ZPBP: variants seen among roughly 807,000 people sequenced by gnomAD.
ZPBP encodes zona pellucida-binding protein 1.
Under a neutral mutation model 44.8 loss-of-function variants are expected in ZPBP, and 26 were observed. The ratio of observed to expected loss-of-function variants is 0.58; its 90% CI spans 0.43 to 0.81. ZPBP has a LOEUF of 0.81. Ranked by LOEUF, ZPBP falls within the 30% of genes least tolerant of loss-of-function variation. The pLI is 0.00. For missense variants in ZPBP, 409 were observed against 434.0 expected (o/e 0.94, Z 0.51); for synonymous variants, 174 against 153.2 (o/e 1.14, Z -1.00).
At chr7:49,918,389 T>C (rs1793834684) in intron 1 of ZPBP, 1 of 152,192 alleles carries the variant, frequency 6.6e-6, no homozygotes, top group East Asian at 1.9e-4. Flanking sequence ...AATAAGATAA[T>C]GAATAGCAAC....
intron 4 of ZPBP, among the ~76,000 whole-genome samples, chr7:50,038,056 C>A (rs1799900761): frequency 6.6e-6 from 1 of 152,106 alleles, no homozygotes; most frequent in Admixed American, 6.5e-5. Context: ...CCTCCATCAC[C>A]CTTACCCCAA....
chr7:49,989,272 A>C (rs923277266), intron 6 of ZPBP, among the ~76,000 whole-genome samples: 4 of 152,088 alleles, frequency 2.6e-5, no homozygotes, highest in African/African-American at 9.7e-5. Flanking sequence ...CGGGGTTCCT[A>C]ACCTGTGGAA....
intron 7 of ZPBP, 57 bp from the exon 8 acceptor site, chr7:49,937,679 T>G: frequency 7.3e-7 from 1 of 1,370,324 alleles, no homozygotes; most frequent in Non-Finnish European, 1.0e-6. Context: ...TAATATAAAA[T>G]TTCCAATCTC....
intron 6 of ZPBP, among the ~76,000 whole-genome samples, chr7:50,017,735 A>G (rs576489274): frequency 6.6e-6 from 1 of 152,262 alleles, no homozygotes; most frequent in Non-Finnish European, 1.5e-5. Context: ...AGGCATAGGA[A>G]GATATTGTCA....
downstream of ZPBP, among the ~76,000 whole-genome samples, chr7:49,933,379 C>T (rs1794512319): frequency 6.6e-6 from 1 of 152,100 alleles, no homozygotes; most frequent in East Asian, 1.9e-4. Flanking sequence ...TAACAGAAAA[C>T]CTAACTTGCT....
intron 2 of ZPBP, among the ~76,000 whole-genome samples, chr7:49,882,639 A>G (rs1791718317): frequency 6.6e-6 from 1 of 152,006 alleles, no homozygotes; most frequent in Admixed American, 6.6e-5. Context: ...AGACAGGGAG[A>G]GAGGTAAACA....
intron 4 of ZPBP, among the ~76,000 whole-genome samples, chr7:50,033,258 A>G (rs918807723): frequency 2.0e-5 from 3 of 152,208 alleles, no homozygotes; most frequent in African/African-American, 7.2e-5. Context: ...CATAACATTA[A>G]TAAGAATCTG....
At chr7:50,052,319 G>A (rs766195977) in intron 4 of ZPBP, among the ~76,000 whole-genome samples, 63 of 152,194 alleles carry the variant, frequency 4.1e-4, no homozygotes, top group Non-Finnish European at 7.4e-4. Flanking sequence ...CTAAGAGGAT[G>A]TACAGATGGC....
intron 1 of ZPBP, among the ~76,000 whole-genome samples, chr7:49,926,437 C>A (rs1015707882): frequency 1.3e-5 from 2 of 152,212 alleles, no homozygotes; most frequent in East Asian, 3.8e-4. Context: ...CTTGTTAAAG[C>A]CCTCAGTTTC....
At chr7:50,086,633 T>A (rs1411446391) in intron 2 of ZPBP, among the ~76,000 whole-genome samples, 1 of 151,908 alleles carries the variant, frequency 6.6e-6, no homozygotes, top group Non-Finnish European at 1.5e-5. Context: ...AACTTGAAGA[T>A]AGGTCAACAT....
At chr7:50,010,489 A>T (rs760226689) in intron 6 of ZPBP, among the ~76,000 whole-genome samples, 10 of 152,120 alleles carry the variant, frequency 6.6e-5, no homozygotes, top group Non-Finnish European at 1.2e-4. Context: ...ACGTTATCAC[A>T]TCTTTGACGG....
At chr7:49,902,283 A>C (rs1385557124) in intron 1 of ZPBP, among the ~76,000 whole-genome samples, 2 of 152,026 alleles carry the variant, frequency 1.3e-5, no homozygotes, top group African/African-American at 2.4e-5. Flanking sequence ...TGCAAAAGAC[A>C]TAAAAAAAAC....
chr7:50,066,516 A>G (rs933925691), intron 3 of ZPBP, among the ~76,000 whole-genome samples: 3 of 152,172 alleles, frequency 2.0e-5, no homozygotes, highest in African/African-American at 7.2e-5. Context: ...CCCTTTTAGT[A>G]TAGGCAGAAA....
chr7:49,961,223 C>T (rs138495611), intron 7 of ZPBP, among the ~76,000 whole-genome samples: 35 of 152,236 alleles, frequency 2.3e-4, no homozygotes, highest in African/African-American at 8.2e-4. Context: ...TGTCCATCAT[C>T]AGGTGAAAGA....
At chr7:49,878,124 G>A (rs1465035425) in intron 2 of ZPBP, among the ~76,000 whole-genome samples, 1 of 151,918 alleles carries the variant, frequency 6.6e-6, no homozygotes, top group Non-Finnish European at 1.5e-5. Flanking sequence ...ATGTTAATTG[G>A]TGCTTCTACC....
At chr7:49,882,380 A>G (rs1791705680) in intron 2 of ZPBP, among the ~76,000 whole-genome samples, 1 of 152,192 alleles carries the variant, frequency 6.6e-6, no homozygotes, top group Non-Finnish European at 1.5e-5. Flanking sequence ...TCACGTCAAT[A>G]AACCATCCAC....
At chr7:50,034,865 C>G (rs1370352882) in intron 4 of ZPBP, among the ~76,000 whole-genome samples, 1 of 152,196 alleles carries the variant, frequency 6.6e-6, no homozygotes, top group Non-Finnish European at 1.5e-5. Context: ...ATATGTAAAA[C>G]TTTCTAAAAC....
intron 7 of ZPBP, among the ~76,000 whole-genome samples, chr7:49,976,860 T>C (rs1009317180): frequency 2.0e-5 from 3 of 152,026 alleles, no homozygotes; most frequent in Non-Finnish European, 2.9e-5. Flanking sequence ...CCCAGCACTC[T>C]GGGAGGCGGA....
At chr7:50,040,537 C>T (rs1052992550) in intron 4 of ZPBP, among the ~76,000 whole-genome samples, 14 of 152,102 alleles carry the variant, frequency 9.2e-5, no homozygotes, top group Non-Finnish European at 1.3e-4. Context: ...GGGTGGGTGT[C>T]GCCTCACCCG....
Sources: allele counts gnomAD v4.1 joint callset (sites outside exome capture counted in the v4.1 genomes callset), GRCh38; gene constraint gnomAD v4.1.1; transcripts MANE v1.5; gene names NCBI Gene and HGNC (gene_info 2026-07-23, HGNC 2026-07-21).